Variants in PHF24 observed in about 807,000 individuals in gnomAD.
PHF24 encodes Galpha inhibitory interacting protein.
Under a neutral mutation model 42.6 loss-of-function variants are expected in PHF24, and 25 were observed. That is an observed-to-expected ratio of 0.59 (90% confidence interval 0.43 to 0.82). The LOEUF is 0.82. Ranked by LOEUF, PHF24 falls within the 40% of genes least tolerant of loss-of-function variation. PHF24 has a pLI of 0.00. For synonymous variants in PHF24, 185 were observed against 204.8 expected, an observed-to-expected ratio of 0.90 and a Z score of 0.83; for missense variants, 470 against 538.1, an observed-to-expected ratio of 0.87 and a Z score of 1.25.
At chr9:34,962,320 C>G (rs1826618522) in intron 1 of PHF24, among the ~76,000 whole-genome samples, 1 of 151,854 alleles carries the variant, frequency 6.6e-6, no homozygotes, top group Admixed American at 6.6e-5. Context: ...CATATAGCTC[C>G]ATGCCTTGGC....
At chr9:34,854,619 T>C in the PHF24 span, among the ~76,000 whole-genome samples, 31 of 152,202 alleles carry the variant, frequency 2.0e-4, no homozygotes, top group African/African-American at 7.2e-4. Context: ...GTTCTAATTT[T>C]ATTATGCTGT....
chr9:34,917,131 A>G, the PHF24 span: 2 of 906,156 alleles, frequency 2.2e-6, no homozygotes, highest in Admixed American at 1.7e-5. Context: ...CTCGCGGCCT[A>G]CCTTTACCGG....
chr9:34,728,755 T>C, the PHF24 span: 1 of 1,076,916 alleles, frequency 9.3e-7, no homozygotes, highest in Non-Finnish European at 1.4e-6. Context: ...TCGCTTTGTA[T>C]ATATCTATCT....
chr9:34,896,209 C>T, the PHF24 span, among the ~76,000 whole-genome samples: 5 of 152,042 alleles, frequency 3.3e-5, no homozygotes, highest in Non-Finnish European at 5.9e-5. Context: ...ATAACAACAA[C>T]AACAAAAAAT....
chr9:34,935,736 G>GTGT, the PHF24 span, among the ~76,000 whole-genome samples: 15 of 142,708 alleles, frequency 1.1e-4, no homozygotes, highest in African/African-American at 3.4e-4. Context: ...ATTTGTGTGT[G>GTGT]GGGGGGGGGT....
At chr9:34,945,688 T>C in the PHF24 span, among the ~76,000 whole-genome samples, 2 of 152,330 alleles carry the variant, frequency 1.3e-5, no homozygotes, top group Admixed American at 1.3e-4. Context: ...CTCTGTCTCC[T>C]GTACTCACTT....
the PHF24 span, among the ~76,000 whole-genome samples, chr9:34,813,795 C>T: frequency 2.0e-5 from 3 of 152,180 alleles, no homozygotes; most frequent in African/African-American, 7.2e-5. Context: ...AGAATCAAGT[C>T]ACATATCCAC....
chr9:34,774,995 A>G, the PHF24 span, among the ~76,000 whole-genome samples: 1 of 152,166 alleles, frequency 6.6e-6, no homozygotes. Context: ...GGAAAACAGT[A>G]TGGTAGTTCC....
the PHF24 span, among the ~76,000 whole-genome samples, chr9:34,897,128 C>G: frequency 1.3e-5 from 2 of 152,182 alleles, no homozygotes; most frequent in Non-Finnish European, 2.9e-5. Flanking sequence ...TGCACTCCAG[C>G]CTGGGTGACA....
At chr9:34,880,317 A>G in the PHF24 span, among the ~76,000 whole-genome samples, 1 of 152,376 alleles carries the variant, frequency 6.6e-6, no homozygotes, top group African/African-American at 2.4e-5. Flanking sequence ...ACCAGCTAAC[A>G]TCATAATGAC....
At chr9:34,950,565 A>C in the PHF24 span, among the ~76,000 whole-genome samples, 6 of 152,088 alleles carry the variant, frequency 3.9e-5, no homozygotes, top group Non-Finnish European at 5.9e-5. Flanking sequence ...ATATATCAAA[A>C]TTTGGGAATG....
rs561613277 is a variant in PHF24 at position 34,979,702 on chromosome 9, A to C, written c.*1591A>C. On this transcript the variant is annotated 3_prime_UTR_variant, in exon 8 of 8. Transcript: ENST00000242315. ...GCTGAATGTTTCGAGGAAAGCAAGG[A>C]GCTGCGGCCAGGGGCTTCTTGAGAG... 7.9e-5 allele frequency: 12 copies of C among 152,322 alleles called. No homozygotes were observed. The South Asian group carries it at 1.5e-3, about 18-fold the overall frequency. The allele number at this position is 152,322 out of a possible 1,614,324, so 9.4% of individuals were successfully genotyped here. A position where few individuals can be genotyped will look rare whatever the true frequency, so the allele number is the denominator to read the frequency against.
chr9:34,712,383 A>C, the PHF24 span, among the ~76,000 whole-genome samples: 5 of 152,054 alleles, frequency 3.3e-5, no homozygotes, highest in East Asian at 7.7e-4. Flanking sequence ...CAATTTTTTT[A>C]ATGCCCTGTT....
At chr9:34,950,212 G>T in the PHF24 span, among the ~76,000 whole-genome samples, 1 of 151,874 alleles carries the variant, frequency 6.6e-6, no homozygotes, top group Admixed American at 6.6e-5. Context: ...GCTGGGCATG[G>T]GGGTGCACTG....
chr9:34,670,152 A>G, the PHF24 span, among the ~76,000 whole-genome samples: 1 of 152,190 alleles, frequency 6.6e-6, no homozygotes, highest in Admixed American at 6.5e-5. Flanking sequence ...AGACCCTCCT[A>G]GACTTCATCC....
At chr9:34,741,971 G>A in the PHF24 span, among the ~76,000 whole-genome samples, 2 of 152,174 alleles carry the variant, frequency 1.3e-5, no homozygotes, top group African/African-American at 4.8e-5. Flanking sequence ...CAATGTACTT[G>A]TCGAGAAAAC....
chr9:34,815,912 A>G, the PHF24 span, among the ~76,000 whole-genome samples: 2 of 152,176 alleles, frequency 1.3e-5, no homozygotes, highest in South Asian at 4.2e-4. Context: ...TCCTCAGGGG[A>G]CAGGTTTGCT....
chr9:34,714,810 T>C, the PHF24 span, among the ~76,000 whole-genome samples: 1 of 152,310 alleles, frequency 6.6e-6, no homozygotes, highest in East Asian at 1.9e-4. Flanking sequence ...TGTACCTTTT[T>C]CTTTCCTAAA....
chr9:34,724,715 G>A, the PHF24 span: 30 of 1,551,236 alleles, frequency 1.9e-5, no homozygotes, highest in Non-Finnish European at 2.5e-5. Flanking sequence ...GTTGCCTTGA[G>A]GGCATGGCCC....
Sources: allele counts gnomAD v4.1 joint callset (sites outside exome capture counted in the v4.1 genomes callset), GRCh38; gene constraint gnomAD v4.1.1; transcripts MANE v1.5; gene names NCBI Gene and HGNC (gene_info 2026-07-23, HGNC 2026-07-21).